TMC1: variants seen among roughly 807,000 people sequenced by gnomAD.
TMC1 encodes the protein transmembrane channel-like protein 1.
A neutral mutation model predicts 105.8 loss-of-function variants in TMC1; 84 were observed. That is an observed-to-expected ratio of 0.79 (90% CI 0.67 to 0.95). TMC1 has a LOEUF of 0.95. TMC1 is among the 40% of genes least tolerant of loss of function. The probability of loss-of-function intolerance (pLI) is 0.00; values close to 1 mark genes in which losing one functional copy is unlikely to be tolerated. For synonymous variants in TMC1, 315 were observed against 311.5 expected (o/e 1.01, Z -0.12); for missense variants, 817 against 914.1 (o/e 0.89, Z 1.37).
intron 18 of TMC1, among the ~76,000 whole-genome samples, chr9:72,813,658 G>A (rs965422773): frequency 6.6e-6 from 1 of 152,188 alleles, no homozygotes; most frequent in African/African-American, 2.4e-5. Context: ...GAATATAGCT[G>A]TATTCCAATA....
chr9:72,609,156 C>G (rs1824978086), intron 2 of TMC1, among the ~76,000 whole-genome samples: 1 of 150,840 alleles, frequency 6.6e-6, no homozygotes, highest in South Asian at 2.1e-4. Context: ...CCCTTCTATT[C>G]TTCCTTCCCT....
intron 17 of TMC1, among the ~76,000 whole-genome samples, chr9:72,801,823 A>G (rs1828477196): frequency 6.6e-6 from 1 of 152,176 alleles, no homozygotes. Flanking sequence ...CTTTTAAAAT[A>G]TATTTTTCCT....
At chr9:72,662,142 T>G (rs920110590) in intron 5 of TMC1, among the ~76,000 whole-genome samples, 15 of 152,090 alleles carry the variant, frequency 9.9e-5, no homozygotes, top group African/African-American at 2.2e-4. Flanking sequence ...TTCCTGTGCT[T>G]CTTTTTCCAA....
At chr9:72,786,407 G>T (rs1171998246) in intron 13 of TMC1, among the ~76,000 whole-genome samples, 1 of 152,162 alleles carries the variant, frequency 6.6e-6, no homozygotes, top group Non-Finnish European at 1.5e-5. Flanking sequence ...TCGCGCCACT[G>T]CACTCTAGCC....
chr9:72,763,006 T>C (rs1827779786), intron 12 of TMC1, among the ~76,000 whole-genome samples: 1 of 152,164 alleles, frequency 6.6e-6, no homozygotes, highest in Non-Finnish European at 1.5e-5. Flanking sequence ...ACGAGAGAGA[T>C]TCCTGGGTCT....
rs572986035 is a variant in TMC1 at position 72,731,379 on chromosome 9, C to A, written c.363-8740C>A. On this transcript the variant is annotated intron_variant, in intron 8 of 23. Coordinates refer to ENST00000297784, the MANE Select transcript of TMC1 (RefSeq NM_138691.3). ...AGATTGTTGGAAAGAAAGAAAGGATCAGGAAAGGTTTTGTGGAGAAGCTGT... is the reference window on the plus strand; with the variant it reads ...AGATTGTTGGAAAGAAAGAAAGGATAAGGAAAGGTTTTGTGGAGAAGCTGT... Among the ~76,000 whole-genome samples the A allele has an allele frequency of 2.0e-3, 308 of 152,178 alleles. 2 individuals carry two copies. The highest frequency in any genetic ancestry group is 7.2e-3 in the African/African-American group (299 of 41,506).
At chr9:72,790,862 A>G (rs1283141125) in intron 15 of TMC1, among the ~76,000 whole-genome samples, 1 of 152,150 alleles carries the variant, frequency 6.6e-6, no homozygotes, top group Admixed American at 6.5e-5. Flanking sequence ...TGTTGGTCAT[A>G]CTTATATAAT....
chr9:72,701,822 T>C (rs1826650962), intron 8 of TMC1, among the ~76,000 whole-genome samples: 1 of 152,210 alleles, frequency 6.6e-6, no homozygotes, highest in African/African-American at 2.4e-5. Flanking sequence ...TGTTTTGTTT[T>C]GTAGAGTAAG....
chr9:72,690,160 C>T (rs1588033641), intron 6 of TMC1, among the ~76,000 whole-genome samples: 1 of 151,938 alleles, frequency 6.6e-6, no homozygotes, highest in Non-Finnish European at 1.5e-5. Flanking sequence ...TCATGTTCAA[C>T]ATCTTATAAT....
intron 9 of TMC1, among the ~76,000 whole-genome samples, chr9:72,741,771 C>T (rs1329620635): frequency 6.6e-6 from 1 of 152,218 alleles, no homozygotes; most frequent in African/African-American, 2.4e-5. Context: ...TTCTCTGCCA[C>T]ATTCTCATTC....
chr9:72,592,007 G>A (rs761093653), intron 2 of TMC1, among the ~76,000 whole-genome samples: 2 of 152,172 alleles, frequency 1.3e-5, no homozygotes, highest in Non-Finnish European at 2.9e-5. Flanking sequence ...AGTGGGTAGT[G>A]GTCAGGGATG....
chr9:72,587,959 T>C (rs1460241028), intron 2 of TMC1, among the ~76,000 whole-genome samples: 1 of 151,944 alleles, frequency 6.6e-6, no homozygotes, highest in African/African-American at 2.4e-5. Flanking sequence ...CTAAGGTTTT[T>C]CATATTTTTA....
Position 72,681,391 on chromosome 9 carries a change from G to GT in TMC1, c.17-7308dup, listed in dbSNP as rs141413146. ...GCTATTTATTTATTGAATATGTATA[G>GT]TTTTTTTTTTGAAAAAGCCAGCCCT... On this transcript the variant is annotated intron_variant, in intron 5 of 23. Coordinates refer to ENST00000297784, the MANE Select transcript of TMC1 (RefSeq NM_138691.3). Among the ~76,000 whole-genome samples the GT allele has an allele frequency of 5.1e-3, 764 of 149,148 alleles. 4 individuals carry two copies. The highest frequency in any genetic ancestry group is 0.016 in the African/African-American group (649 of 40,794).
intron 10 of TMC1, among the ~76,000 whole-genome samples, chr9:72,747,118 A>G (rs1057339367): frequency 1.3e-5 from 2 of 152,238 alleles, no homozygotes; most frequent in Non-Finnish European, 2.9e-5. Flanking sequence ...TCAAAATTAT[A>G]GTTTCAGAAA....
At chr9:72,717,556 A>G (rs569427537) in intron 8 of TMC1, among the ~76,000 whole-genome samples, 124 of 152,190 alleles carry the variant, frequency 8.1e-4, no homozygotes, top group African/African-American at 2.9e-3. Flanking sequence ...TCCTTCATTT[A>G]TGAAGCTTAG....
chr9:72,697,017 G>T (rs1320108763), intron 7 of TMC1, among the ~76,000 whole-genome samples: 5 of 152,122 alleles, frequency 3.3e-5, no homozygotes, highest in African/African-American at 4.8e-5. Context: ...GGTAACTTAT[G>T]TGTCAACAAC....
At chr9:72,666,081 C>T (rs1207271220) in intron 5 of TMC1, among the ~76,000 whole-genome samples, 1 of 152,096 alleles carries the variant, frequency 6.6e-6, no homozygotes, top group East Asian at 1.9e-4. Context: ...ATTAAAATAT[C>T]AGAAATTTTG....
intron 1 of TMC1, among the ~76,000 whole-genome samples, chr9:72,576,503 G>A (rs994582076): frequency 2.6e-5 from 4 of 151,592 alleles, no homozygotes; most frequent in African/African-American, 4.9e-5. Context: ...GCTCCTTCTT[G>A]TGCCAACGAC....
At chr9:72,688,897 C>A in intron 6 of TMC1, 141 bp downstream of exon 6, 1 of 756,628 alleles carries the variant, frequency 1.3e-6, no homozygotes, top group Non-Finnish European at 2.3e-6. Context: ...CAGGAGGAAT[C>A]AAGTTCAGCA....
Sources: gnomAD v4.1 joint callset for allele counts (sites outside exome capture counted in the v4.1 genomes callset) on GRCh38, gnomAD v4.1.1 for gene constraint, MANE v1.5 for transcripts, NCBI Gene and HGNC (gene_info 2026-07-23, HGNC 2026-07-21) for gene names.